Variants in TRIO observed in about 807,000 individuals in gnomAD.
TRIO encodes the protein trio Rho guanine nucleotide exchange factor.
In TRIO, 58 loss-of-function variants were observed where a neutral mutation model predicts 351.9. The ratio of observed to expected loss-of-function variants is 0.16; its 90% CI spans 0.13 to 0.21. The LOEUF is 0.21. Ranked by LOEUF, TRIO falls within the 10% of genes least tolerant of loss-of-function variation. The pLI is 1.00. For missense variants in TRIO, 3,201 were observed against 4,027.8 expected (o/e 0.79, Z 5.56); for synonymous variants, 1,758 against 1,595.7 (o/e 1.10, Z -2.42).
chr5:14,270,122 T>G (rs991988496), intron 1 of TRIO, among the ~76,000 whole-genome samples: 1 of 152,238 alleles, frequency 6.6e-6, no homozygotes, highest in African/African-American at 2.4e-5. Context: ...AAATTGCCTA[T>G]TGCATGCTCC....
chr5:14,491,933 G>A (rs748774671), intron 48 of TRIO, among the ~76,000 whole-genome samples: 6 of 152,164 alleles, frequency 3.9e-5, no homozygotes, highest in Non-Finnish European at 7.3e-5. Flanking sequence ...TAGCAAGTTC[G>A]TATTGCTGGA....
rs1736871714 is a variant in TRIO, at chr5:14,291,178, A to G, written c.1003A>G (p.Lys335Glu). Residue 335 changes from lysine to glutamate, a missense_variant, in exon 5 of 57, where the codon AAG (lysine) becomes GAG (glutamate). This residue lies in a region of TRIO where 349 missense variants were observed against 449.3 expected (regional missense o/e 0.78). Coordinates refer to ENST00000344204, the MANE Select transcript of TRIO (RefSeq NM_007118.4). ...CCAGATGTGGCATGTGAGGAAGCTG[A>G]AGCTGGACCAGTGCTTCCAGCTGAG... ...LHQMWHVRKLKLDQCFQLRLF... is the reference protein window; with the variant it reads ...LHQMWHVRKLELDQCFQLRLF... 3.7e-6 allele frequency: 6 copies of G among 1,614,038 alleles called. No individual in the cohort carries two copies. The South Asian group carries it at 6.6e-5, about 18-fold the overall frequency.
intron 1 of TRIO, among the ~76,000 whole-genome samples, chr5:14,194,935 T>C (rs1358522183): frequency 6.6e-6 from 1 of 152,222 alleles, no homozygotes; most frequent in East Asian, 1.9e-4. Flanking sequence ...ATGTATCACC[T>C]AGATAAACTT....
chr5:14,202,722 C>G (rs1157556762), intron 1 of TRIO, among the ~76,000 whole-genome samples: 1 of 148,054 alleles, frequency 6.8e-6, no homozygotes, highest in African/African-American at 2.5e-5. Context: ...GCCGCCAAGA[C>G]GTCTGTGACT....
chr5:14,219,388 A>T (rs1398472978), intron 1 of TRIO, among the ~76,000 whole-genome samples: 4 of 151,908 alleles, frequency 2.6e-5, no homozygotes, highest in Non-Finnish European at 5.9e-5. Flanking sequence ...ATACTCAGAG[A>T]GTCTTTGTGT....
intron 11 of TRIO, among the ~76,000 whole-genome samples, chr5:14,357,847 C>T (rs1435167393): frequency 2.0e-5 from 3 of 152,248 alleles, no homozygotes; most frequent in Non-Finnish European, 2.9e-5. Flanking sequence ...ATTTCCACTG[C>T]AGTCTGGATT....
chr5:14,191,525 C>T (rs1790456817), intron 1 of TRIO, among the ~76,000 whole-genome samples: 1 of 124,538 alleles, frequency 8.0e-6, no homozygotes, highest in Non-Finnish European at 1.7e-5. Flanking sequence ...GAGTAAGACC[C>T]TGTTTCTTTA....
intron 45 of TRIO, among the ~76,000 whole-genome samples, chr5:14,482,249 T>G (rs553040257): frequency 1.3e-5 from 2 of 152,196 alleles, no homozygotes; most frequent in Non-Finnish European, 2.9e-5. Flanking sequence ...TGAAAACTCC[T>G]GTGCATGCCT....
intron 9 of TRIO, among the ~76,000 whole-genome samples, chr5:14,317,718 G>A (rs1431314216): frequency 6.6e-6 from 1 of 152,222 alleles, no homozygotes; most frequent in Non-Finnish European, 1.5e-5. Context: ...TGGGCCAGGT[G>A]CGGTGGCTCA....
intron 19 of TRIO, among the ~76,000 whole-genome samples, 185 bp downstream of exon 19, chr5:14,374,528 A>ATAT (rs1561409092): frequency 6.6e-6 from 1 of 152,234 alleles, no homozygotes; most frequent in African/African-American, 2.4e-5. Context: ...TTATAGGTTG[A>ATAT]TATTATATTG....
intron 1 of TRIO, among the ~76,000 whole-genome samples, chr5:14,221,228 AT>A (rs999929475): frequency 6.6e-6 from 1 of 151,564 alleles, no homozygotes; most frequent in Non-Finnish European, 1.5e-5. Flanking sequence ...AGGAAAAAAG[AT>A]TTTTTTTTCC....
At chr5:14,175,649 C>T (rs1399113825) in intron 1 of TRIO, among the ~76,000 whole-genome samples, 2 of 152,160 alleles carry the variant, frequency 1.3e-5, no homozygotes, top group Non-Finnish European at 2.9e-5. Context: ...CTTATATCTA[C>T]CTGGGCATTT....
chr5:14,325,856 A>G (rs1740336953), intron 9 of TRIO, among the ~76,000 whole-genome samples: 1 of 152,212 alleles, frequency 6.6e-6, no homozygotes, highest in African/African-American at 2.4e-5. Context: ...ACCTGTGGCC[A>G]GTTCCTGTTG....
intron 2 of TRIO, among the ~76,000 whole-genome samples, chr5:14,275,829 A>G (rs1295596486): frequency 1.3e-5 from 2 of 149,222 alleles, no homozygotes; most frequent in Non-Finnish European, 3.0e-5. Flanking sequence ...ACAAATATAT[A>G]TATACCAGAG....
intron 37 of TRIO, 48 bp downstream of exon 37, chr5:14,465,688 GC>G (rs1387191221): frequency 1.3e-6 from 2 of 1,594,462 alleles, no homozygotes; most frequent in Non-Finnish European, 1.7e-6. Context: ...GCTCTGTGTT[GC>G]TACTTGCAGA....
chr5:14,460,417 T>C (rs1007613896), intron 34 of TRIO, among the ~76,000 whole-genome samples: 2 of 152,176 alleles, frequency 1.3e-5, no homozygotes, highest in Non-Finnish European at 2.9e-5. Flanking sequence ...GGCTTTGTCC[T>C]GGATGCTGGT....
intron 7 of TRIO, among the ~76,000 whole-genome samples, chr5:14,301,989 T>C (rs1424524895): frequency 1.3e-5 from 2 of 152,200 alleles, no homozygotes; most frequent in East Asian, 3.8e-4. Flanking sequence ...GCAGAATCCT[T>C]TGTCCACAAG....
Position 14,507,172 on chromosome 5 carries a change from C to G in TRIO, c.8663C>G (p.Thr2888Ser). 1 of 1,612,522 alleles carries G rather than the reference C, an allele frequency of 6.2e-7. No individual in the cohort carries two copies. The highest frequency in any genetic ancestry group is 8.5e-7 in the Non-Finnish European group (1 of 1,179,760). The change falls in exon 56 of 57, where the codon ACT (threonine) becomes AGT (serine). Residue 2888 changes from threonine to serine, a missense_variant. By Grantham distance (58) the Thr-to-Ser change is moderately conservative. Transcript: ENST00000344204. ...LDCVVRWGSL[T>S]EGKIRAHLGE... The stretch of plus-strand genomic sequence containing the variant: ...TGCGTGGTGCGATGGGGAAGCCTCA[C>G]TGAAGGGAAGATCAGGGCGCACCTG...
intron 8 of TRIO, among the ~76,000 whole-genome samples, chr5:14,310,886 A>G (rs374570449): frequency 2.0e-5 from 3 of 152,160 alleles, no homozygotes; most frequent in African/African-American, 7.2e-5. Context: ...GGGTTTTGCC[A>G]TGTTGGCCAG....
Sources: allele counts gnomAD v4.1 joint callset (sites outside exome capture counted in the v4.1 genomes callset), GRCh38; gene constraint gnomAD v4.1.1; regional missense constraint gnomAD v4.1.1; transcripts MANE v1.5; gene names NCBI Gene and HGNC (gene_info 2026-07-23, HGNC 2026-07-21).